OSBPL9: variants seen among roughly 807,000 people sequenced by gnomAD.
The protein encoded by OSBPL9 is oxysterol-binding protein-related protein 9.
OSBPL9 carries 40 observed loss-of-function variants against 106.6 expected under a neutral mutation model. That is an observed-to-expected ratio of 0.38 (90% CI 0.29 to 0.49). OSBPL9 has a LOEUF of 0.49. Among genes scored for constraint, OSBPL9 ranks in the 20% least tolerant of loss-of-function variants. The probability of loss-of-function intolerance (pLI) is 0.97; values close to 1 mark genes in which losing one functional copy is unlikely to be tolerated. For synonymous variants in OSBPL9, 269 were observed against 295.4 expected, an observed-to-expected ratio of 0.91 and a Z score of 0.92; for missense variants, 609 against 887.2, an observed-to-expected ratio of 0.69 and a Z score of 3.98.
intron 2 of OSBPL9, among the ~76,000 whole-genome samples, chr1:51,668,738 A>G (rs1476522929): frequency 6.6e-6 from 1 of 151,946 alleles, no homozygotes; most frequent in African/African-American, 2.4e-5. Context: ...GTGCCTGCCC[A>G]CCCCCCAGTT....
chr1:51,602,540 G>T (rs1277597213), intron 2 of OSBPL9, among the ~76,000 whole-genome samples: 1 of 144,200 alleles, frequency 6.9e-6, no homozygotes, highest in Non-Finnish European at 1.5e-5. Flanking sequence ...CTCCCACCTC[G>T]GCCTCCCTGG....
intron 3 of OSBPL9, chr1:51,707,638 C>G: frequency 5.1e-6 from 1 of 197,612 alleles, no homozygotes; most frequent in South Asian, 1.1e-4. Context: ...CTCCACAATG[C>G]CAGAGTTGTC....
intron 3 of OSBPL9, among the ~76,000 whole-genome samples, chr1:51,697,414 CTT>C (rs901819274): frequency 5.7e-4 from 81 of 141,302 alleles, no homozygotes; most frequent in African/African-American, 2.0e-3. Flanking sequence ...TTCACAATAA[CTT>C]TCAGAGAAAA....
intron 3 of OSBPL9, among the ~76,000 whole-genome samples, chr1:51,697,136 G>A (rs1436796039): frequency 6.6e-6 from 1 of 150,902 alleles, no homozygotes; most frequent in Non-Finnish European, 1.5e-5. Flanking sequence ...CTCCAGCCTG[G>A]GCAACAGAGT....
intron 1 of OSBPL9, among the ~76,000 whole-genome samples, chr1:51,591,384 T>G (rs1220876856): frequency 6.6e-6 from 1 of 152,180 alleles, no homozygotes; most frequent in Non-Finnish European, 1.5e-5. Context: ...TCTTTAATTT[T>G]TGACCTAAAC....
intron 1 of OSBPL9, among the ~76,000 whole-genome samples, chr1:51,581,290 G>C (rs1317350702): frequency 6.6e-6 from 1 of 151,882 alleles, no homozygotes; most frequent in African/African-American, 2.4e-5. Flanking sequence ...ATAGGTTTTG[G>C]GGAAGAAGAC....
At chr1:51,577,000 C>T (rs956384797), upstream of OSBPL9, among the ~76,000 whole-genome samples, 2 of 152,082 alleles carry the variant, frequency 1.3e-5, no homozygotes, top group Admixed American at 6.6e-5. Flanking sequence ...GTGTTTGGAT[C>T]GTGGGGAGAA....
chr1:51,702,494 T>G (rs1287356188), intron 3 of OSBPL9, among the ~76,000 whole-genome samples: 7 of 152,226 alleles, frequency 4.6e-5, no homozygotes, highest in African/African-American at 1.7e-4. Flanking sequence ...TTGATGGGGT[T>G]GTTTTTTTCT....
chr1:51,727,747 TA>T (rs1292872994), intron 4 of OSBPL9, among the ~76,000 whole-genome samples: 1 of 152,200 alleles, frequency 6.6e-6, no homozygotes, highest in Non-Finnish European at 1.5e-5. Flanking sequence ...TGTGCGCCTG[TA>T]GTCCCAGCTA....
the OSBPL9 span, among the ~76,000 whole-genome samples, chr1:51,552,760 G>T: frequency 1.3e-5 from 2 of 151,900 alleles, no homozygotes; most frequent in Non-Finnish European, 2.9e-5. Flanking sequence ...TAGTAGCTGG[G>T]ATTACAGGCA....
rs533942977 is a variant in OSBPL9, at chr1:51,712,609, G to A, written c.242-1394G>A. On this transcript the variant is annotated intron_variant, in intron 3 of 23. Transcript: ENST00000428468. ...TTTGTCACTTTTGGAATTTATATTT[G>A]ATTTGATTATTTTATAAATCTAAGT... 2.6e-5 allele frequency among the ~76,000 whole-genome samples: 4 copies of A among 151,924 alleles called. No individual in the cohort carries two copies. The East Asian group carries it at 7.7e-4, about 29-fold the overall frequency.
Position 51,729,662 on chromosome 1 carries a change from C to A in OSBPL9, c.318+15583C>A. 2.6e-6 allele frequency: 1 copy of A among 391,654 alleles called. No homozygotes were observed. The highest frequency in any genetic ancestry group is 4.0e-6 in the Non-Finnish European group (1 of 247,918). The allele number at this position is 391,654 out of a possible 1,614,324, so 24.3% of individuals were successfully genotyped here. A position where few individuals can be genotyped will look rare whatever the true frequency, so the allele number is the denominator to read the frequency against. ...TGCCAGCTCCCTCGGCCTCTCCACC[C>A]AAAACTGGCCCAACCGCCAATCGTC... On this transcript the variant is annotated intron_variant, in intron 4 of 23. Transcript: ENST00000428468. The surrounding 1 kb of genome is among the most constrained non-coding windows in gnomAD (Gnocchi z 5.1).
chr1:51,703,892 A>G (rs1657853963), intron 3 of OSBPL9, among the ~76,000 whole-genome samples: 1 of 152,222 alleles, frequency 6.6e-6, no homozygotes, highest in African/African-American at 2.4e-5. Context: ...TATTGAGATA[A>G]TCATGTGGTT....
At chr1:51,763,860 A>C (rs1227071276) in intron 11 of OSBPL9, among the ~76,000 whole-genome samples, 1 of 152,176 alleles carries the variant, frequency 6.6e-6, no homozygotes, top group Non-Finnish European at 1.5e-5. Flanking sequence ...TGGAATTTTG[A>C]AACAACCAAA....
intron 8 of OSBPL9, chr1:51,752,745 G>A (rs1425021825): frequency 3.1e-6 from 1 of 326,494 alleles, no homozygotes; most frequent in African/African-American, 2.2e-5. Context: ...CACAGAGAGA[G>A]GGAGCGTGCA....
At chr1:51,536,336 G>A in the OSBPL9 span, among the ~76,000 whole-genome samples, 6,440 of 151,636 alleles carry the variant, frequency 0.042, 205 homozygotes, top group Middle Eastern at 0.11. Flanking sequence ...AAACAGGATC[G>A]CGCTCTGTCA....
chr1:51,580,524 A>T (rs879799132), intron 1 of OSBPL9, among the ~76,000 whole-genome samples: 2 of 152,124 alleles, frequency 1.3e-5, no homozygotes, highest in South Asian at 2.1e-4. Flanking sequence ...CAAATTTGCT[A>T]AAAAAGTGTG....
At chr1:51,746,893 C>CA in intron 6 of OSBPL9, 136 bp downstream of exon 6, 1 of 624,368 alleles carries the variant, frequency 1.6e-6, no homozygotes, top group Non-Finnish European at 2.7e-6. Context: ...ATATGGACCT[C>CA]AAGGGTACTT....
intron 11 of OSBPL9, among the ~76,000 whole-genome samples, chr1:51,762,257 C>T (rs922281589): frequency 1.3e-5 from 2 of 152,116 alleles, no homozygotes; most frequent in African/African-American, 4.8e-5. Flanking sequence ...GATCAGGGCT[C>T]ACTGTAGTTT....
Sources: allele counts gnomAD v4.1 joint callset (sites outside exome capture counted in the v4.1 genomes callset), GRCh38; gene constraint gnomAD v4.1.1; non-coding constraint Gnocchi (gnomAD v3.1); transcripts MANE v1.5; gene names NCBI Gene and HGNC (gene_info 2026-07-23, HGNC 2026-07-21).